CEP95: variants seen among roughly 807,000 people sequenced by gnomAD.
The protein encoded by CEP95 is centrosomal protein of 95 kDa.
In CEP95, 98 loss-of-function variants were observed where a neutral mutation model predicts 111.2. The observed-to-expected ratio is 0.88, with a 90% CI of 0.75 to 1.04. The LOEUF (loss-of-function observed/expected upper bound fraction) is 1.04. CEP95 is among the 50% of genes least tolerant of loss of function. The pLI is 0.00. For synonymous variants in CEP95, 323 were observed against 327.1 expected (o/e 0.99, Z 0.14); for missense variants, 1,027 against 977.2 (o/e 1.05, Z -0.68).
rs782425391 is a variant in CEP95 at position 64,508,614 on chromosome 17, CCTT to C, written c.46_48del (p.Leu16del). 16 of 1,425,440 alleles carry C rather than the reference CCTT, an allele frequency of 1.1e-5. No homozygotes were observed. The highest frequency in any genetic ancestry group is 9.8e-5 in the Admixed American group (4 of 40,664). The allele number at this position is 1,425,440 out of a possible 1,614,324, so 88.3% of individuals were successfully genotyped here. A position where few individuals can be genotyped will look rare whatever the true frequency, so the allele number is the denominator to read the frequency against. ...CAGAGTGGGTAACCATTGCCAATAA[CCTT>C]CTTTTTAAGTGTCATATACATCTGA... On this transcript the variant is annotated inframe_deletion, in exon 2 of 20. Transcript: ENST00000556440.
chr17:64,514,285 G>A lies in CEP95; in HGVS notation c.294G>A (p.Lys98=), dbSNP rs1338850679. ...TGAAAGGAGATAAAGAATCTATTAA[G>A]AATCTCCTGGAAATATTTGATGGTT... ...NIVKGDKESI[K]NLLEIFDGLL... Residue 98 remains lysine, a synonymous_variant, in exon 4 of 20, where the codon AAG becomes AAA. Coordinates refer to ENST00000556440, the MANE Select transcript of CEP95 (RefSeq NM_138363.3). 2.0e-6 allele frequency: 3 copies of A among 1,489,752 alleles called. No individual in the cohort carries two copies. Among genetic ancestry groups the A allele is most frequent in the African/African-American group, 1.4e-5 (1 of 71,822 alleles). The allele number at this position is 1,489,752 out of a possible 1,614,324, so 92.3% of individuals were successfully genotyped here. A position where few individuals can be genotyped will look rare whatever the true frequency, so the allele number is the denominator to read the frequency against.
Position 64,532,948 on chromosome 17 carries a change from T to C in CEP95, c.1782T>C (p.Val594=). Residue 594 remains valine (V), a synonymous_variant, in exon 15 of 20, where the codon GTT becomes GTC. Transcript: ENST00000556440. ...SKMWKQQIAQ[V]EQLKKEACRE... ...TGTGGAAACAGCAAATTGCACAGGT[T>C]GAACAGCTTAAGAAAGAAGCATGTA... 6.2e-7 allele frequency: 1 copy of C among 1,613,914 alleles called. No individual in the cohort carries two copies. The highest frequency in any genetic ancestry group is 1.7e-5 in the Admixed American group (1 of 60,006).
At chr17:64,510,835 A>G (rs1555674705) in intron 3 of CEP95, among the ~76,000 whole-genome samples, 1 of 152,190 alleles carries the variant, frequency 6.6e-6, no homozygotes. Context: ...ACAGGCCTGG[A>G]CCACTGTGCC....
chr17:64,516,460 C>T (rs1268574782), intron 4 of CEP95, among the ~76,000 whole-genome samples: 1 of 152,168 alleles, frequency 6.6e-6, no homozygotes, highest in Non-Finnish European at 1.5e-5. Context: ...ATTGAATGGA[C>T]CTGCCACTGA....
rs1555676356 is a variant in CEP95 at position 64,516,723 on chromosome 17, G to A, written c.368G>A (p.Ser123Asn). 6.3e-7 allele frequency: 1 copy of A among 1,590,456 alleles called. No individual in the cohort carries two copies. Among genetic ancestry groups the A allele is most frequent in the Admixed American group, 1.7e-5 (1 of 59,756 alleles). Reference sequence around the variant, plus strand: ...TATTGTTTTTATCTGTTCTGAACAGGTGAAACTGAACAGTATTTTAAAGAA... The same window carrying A: ...TATTGTTTTTATCTGTTCTGAACAGATGAAACTGAACAGTATTTTAAAGAA... ...ERISETSHEK[S>N]ETEQYFKESD... is the part of the protein sequence containing the mutation. The change falls in exon 5 of 20, where the codon AGT (serine) becomes AAT (asparagine). Residue 123 changes from serine (S) to asparagine (N), a missense_variant and splice_region_variant. Physicochemically the swap from Ser to Asn is conservative, Grantham distance 46. Coordinates refer to ENST00000556440, the MANE Select transcript of CEP95 (RefSeq NM_138363.3).
At chr17:64,523,121 A>G (rs1967495734) in intron 8 of CEP95, among the ~76,000 whole-genome samples, 1 of 152,226 alleles carries the variant, frequency 6.6e-6, no homozygotes, top group Non-Finnish European at 1.5e-5. Flanking sequence ...ATACACCTGC[A>G]CATTCTTGTT....
Position 64,529,299 on chromosome 17 carries a change from C to G in CEP95, c.1318C>G (p.Arg440Gly). The change falls in exon 12 of 20, where the codon CGT becomes GGT. Residue 440 changes from arginine to glycine, a missense_variant. Arg to Gly is a moderately radical substitution (Grantham distance 125). Coordinates refer to ENST00000556440, the MANE Select transcript of CEP95 (RefSeq NM_138363.3). ...PKKSRPGLSM[R>G]RKPPYRSHSL... Reference sequence around the variant, plus strand: ...TTTCTCTGTTGCAGGACTTTCCATGCGTAGAAAGCCACCCTACAGATCCCA... The same window carrying G: ...TTTCTCTGTTGCAGGACTTTCCATGGGTAGAAAGCCACCCTACAGATCCCA... The G allele has an allele frequency of 6.2e-7, 1 of 1,612,272 alleles. No individual in the cohort carries two copies. The highest frequency in any genetic ancestry group is 8.5e-7 in the Non-Finnish European group (1 of 1,179,274).
intron 13 of CEP95, among the ~76,000 whole-genome samples, chr17:64,531,551 C>T (rs35920441): frequency 6.6e-6 from 1 of 151,894 alleles, no homozygotes; most frequent in Non-Finnish European, 1.5e-5. Flanking sequence ...TTTTTTAAAT[C>T]TACATGGAAA....
chr17:64,508,202 A>G, intron 1 of CEP95: 1 of 985,402 alleles, frequency 1.0e-6, no homozygotes, highest in African/African-American at 1.7e-5. Flanking sequence ...TCCATTAATG[A>G]GTTTCTGGTA....
At chr17:64,513,332 A>G (rs1485438044) in intron 3 of CEP95, among the ~76,000 whole-genome samples, 2 of 152,176 alleles carry the variant, frequency 1.3e-5, no homozygotes, top group Non-Finnish European at 2.9e-5. Flanking sequence ...GATCTCCCAA[A>G]GGACAATCAG....
chr17:64,533,209 T>A lies in CEP95; in HGVS notation c.1917+18T>A. The A allele has an allele frequency of 6.4e-7, 1 of 1,565,586 alleles. No individual in the cohort carries two copies. Among genetic ancestry groups the A allele is most frequent in the Non-Finnish European group, 8.6e-7 (1 of 1,158,532 alleles). On this transcript the variant is annotated intron_variant, in intron 16 of 19. Coordinates refer to ENST00000556440, the MANE Select transcript of CEP95 (RefSeq NM_138363.3). ...AGAGACTGGTATGTCAAGAGCAAGT[T>A]GGGTATTATAATTCTGAATTTGTTA...
At chr17:64,537,170 G>A (rs1968716999) in intron 19 of CEP95, 58 bp downstream of exon 19, 4 of 1,582,514 alleles carry the variant, frequency 2.5e-6, no homozygotes, top group Non-Finnish European at 3.4e-6. Flanking sequence ...CTTTCAGCAA[G>A]GGACCTCGTA....
intron 10 of CEP95, 48 bp downstream of exon 10, chr17:64,526,248 A>G (rs1555679100): frequency 6.5e-6 from 10 of 1,528,532 alleles, no homozygotes; most frequent in Non-Finnish European, 8.8e-6. Context: ...GGGTTAAGTG[A>G]GCATTTAAGT....
intron 1 of CEP95, 171 bp downstream of exon 1, chr17:64,507,287 CG>C: frequency 3.4e-6 from 5 of 1,468,644 alleles, no homozygotes; most frequent in Admixed American, 2.5e-5. Flanking sequence ...ACCACCTCTT[CG>C]CTTCGAGGCC....
intron 14 of CEP95, 102 bp from the exon 15 acceptor site, chr17:64,532,737 G>A: frequency 6.8e-7 from 1 of 1,473,612 alleles, no homozygotes; most frequent in South Asian, 1.5e-5. Flanking sequence ...TTCTTTTCAG[G>A]ATCAAAACCA....
At chr17:64,512,664 A>G (rs1446947822) in intron 3 of CEP95, among the ~76,000 whole-genome samples, 2 of 152,218 alleles carry the variant, frequency 1.3e-5, no homozygotes, top group Non-Finnish European at 2.9e-5. Flanking sequence ...CCTGATTTAC[A>G]TCTCTTAATT....
At chr17:64,532,210 C>G in intron 14 of CEP95, 188 bp downstream of exon 14, 1 of 1,276,040 alleles carries the variant, frequency 7.8e-7, no homozygotes, top group Non-Finnish European at 9.9e-7. Flanking sequence ...GGAAGTACTT[C>G]AGGGAGGCCT....
At chr17:64,508,282 A>G (rs2038686052) in intron 1 of CEP95, 28 of 986,122 alleles carry the variant, frequency 2.8e-5, no homozygotes, top group Admixed American at 6.1e-5. Flanking sequence ...TGTTTTAACT[A>G]AAAACACCCA....
chr17:64,529,172 T>C, intron 11 of CEP95, 116 bp from the exon 12 acceptor site: 1 of 830,644 alleles, frequency 1.2e-6, no homozygotes, highest in East Asian at 2.7e-5. Context: ...CAGGAGAGAG[T>C]CCCTTTAGCA....
Sources: gnomAD v4.1 joint callset for allele counts (sites outside exome capture counted in the v4.1 genomes callset) on GRCh38, gnomAD v4.1.1 for gene constraint, MANE v1.5 for transcripts, NCBI Gene and HGNC (gene_info 2026-07-23, HGNC 2026-07-21) for gene names.